Variants in AFTPH observed in about 807,000 individuals in gnomAD.
AFTPH encodes the protein aftiphilin, also known as aftiphilin protein.
Under a neutral mutation model 72.5 loss-of-function variants are expected in AFTPH, and 7 were observed. That is an observed-to-expected ratio of 0.10 (90% CI 0.05 to 0.18). The LOEUF is 0.18. Ranked by LOEUF, AFTPH falls within the 10% of genes least tolerant of loss-of-function variation. The pLI, the probability that AFTPH is intolerant of heterozygous loss-of-function variation, is 1.00. For missense variants in AFTPH, 979 were observed against 1,060.5 expected (o/e 0.92, Z 1.07); for synonymous variants, 337 against 370.1 (o/e 0.91, Z 1.03).
intron 1 of AFTPH, among the ~76,000 whole-genome samples, chr2:64,549,972 A>G (rs1444009658): frequency 6.6e-6 from 1 of 152,220 alleles, no homozygotes; most frequent in Non-Finnish European, 1.5e-5. Flanking sequence ...GAAAAAATCA[A>G]TTGATTTGAC....
chr2:64,577,988 C>T (rs1207791284), intron 6 of AFTPH, among the ~76,000 whole-genome samples: 1 of 151,914 alleles, frequency 6.6e-6, no homozygotes, highest in Non-Finnish European at 1.5e-5. Flanking sequence ...CCACCACCAC[C>T]ATTAAGAACA....
intron 6 of AFTPH, among the ~76,000 whole-genome samples, chr2:64,577,771 A>G (rs549249024): frequency 6.6e-6 from 1 of 152,336 alleles, no homozygotes; most frequent in Admixed American, 6.5e-5. Flanking sequence ...TGAAATAATT[A>G]TAGATTCATA....
At chr2:64,588,957 T>C (rs1673663428) in intron 8 of AFTPH, among the ~76,000 whole-genome samples, 1 of 152,218 alleles carries the variant, frequency 6.6e-6, no homozygotes, top group Non-Finnish European at 1.5e-5. Flanking sequence ...ATATTCTGGA[T>C]ACTAAGCCTT....
At chr2:64,575,973 A>G (rs1303361213) in intron 6 of AFTPH, among the ~76,000 whole-genome samples, 1 of 151,386 alleles carries the variant, frequency 6.6e-6, no homozygotes, top group Admixed American at 6.6e-5. Context: ...TCCTGACCTC[A>G]AGTGATCTGC....
At chr2:64,584,729 T>C (rs1428018687) in intron 7 of AFTPH, among the ~76,000 whole-genome samples, 1 of 151,834 alleles carries the variant, frequency 6.6e-6, no homozygotes, top group Non-Finnish European at 1.5e-5. Flanking sequence ...CCTGAGTAGC[T>C]GGGACTACAG....
chr2:64,559,118 G>A lies in AFTPH; in HGVS notation c.1935+5709G>A, dbSNP rs142786118. Among the ~76,000 whole-genome samples, 9 of 152,320 alleles carry A rather than the reference G, an allele frequency of 5.9e-5. No individual in the cohort carries two copies. The East Asian group carries it at 1.2e-3, about 20-fold the overall frequency. ...CTTTAAAGGAGATAGGCATTTGAAT[G>A]GCATAAGAACCAGAGTCTGGGGTCC... is the stretch of plus-strand genomic sequence containing the variant. On this transcript the variant is annotated intron_variant, in intron 2 of 8. Transcript: ENST00000238856.
At chr2:64,548,521 C>G (rs572603037) in intron 1 of AFTPH, among the ~76,000 whole-genome samples, 1 of 149,180 alleles carries the variant, frequency 6.7e-6, no homozygotes, top group East Asian at 2.0e-4. Context: ...AATCCCTTTG[C>G]AGCATTTTGT....
rs550442230 is a variant in AFTPH at position 64,580,710 on chromosome 2, G to T, written c.2455+1164G>T. 3.3e-5 allele frequency: 5 copies of T among 152,964 alleles called. No homozygotes were observed. The East Asian group carries it at 5.8e-4, about 18-fold the overall frequency. 9.5% of individuals were successfully genotyped at this position (152,964 alleles called of 1,614,324 possible). A position where few individuals can be genotyped will look rare whatever the true frequency, so the allele number is the denominator to read the frequency against. On this transcript the variant is annotated intron_variant, in intron 7 of 8. Transcript: ENST00000238856. ...ATTATGTTATTTTATTTTAAACTAA[G>T]TTAACACATTGGTGCGTGTCCTGAA...
exon 2 of AFTPH, chr2:64,551,503 C>T: frequency 6.2e-7 from 1 of 1,613,988 alleles, no homozygotes; most frequent in Non-Finnish European, 8.5e-7. Flanking sequence ...CGAATGTACT[C>T]TTCATCCCCA....
rs560104662 is a variant in AFTPH at position 64,576,264 on chromosome 2, C to T, written c.2394+3196C>T. On this transcript the variant is annotated intron_variant, in intron 6 of 8. Transcript: ENST00000238856. ...CCATGCAGGAAGTTACATCTTCCTA[C>T]GCCCCTAGCCTTTAGTGCTAGAAGC... is the stretch of plus-strand genomic sequence containing the variant. Among the ~76,000 whole-genome samples, 14 of 151,492 alleles carry T rather than the reference C, an allele frequency of 9.2e-5. No homozygotes were observed. The South Asian group carries it at 2.1e-3, about 23-fold the overall frequency.
At chr2:64,548,049 C>T (rs547891441) in intron 1 of AFTPH, among the ~76,000 whole-genome samples, 4 of 151,146 alleles carry the variant, frequency 2.6e-5, no homozygotes, top group African/African-American at 9.7e-5. Flanking sequence ...CCTCAGCCCC[C>T]CAAAGTGCTG....
chr2:64,549,237 T>G (rs1670867130), intron 1 of AFTPH, among the ~76,000 whole-genome samples: 1 of 151,610 alleles, frequency 6.6e-6, no homozygotes, highest in Admixed American at 6.6e-5. Context: ...TGGGCAGCTG[T>G]GAGTTGTAAG....
intron 1 of AFTPH, among the ~76,000 whole-genome samples, chr2:64,542,374 CAT>C (rs1222502040): frequency 2.6e-5 from 4 of 152,176 alleles, no homozygotes; most frequent in East Asian, 1.9e-4. Flanking sequence ...ATATTTCCCA[CAT>C]GTGATGAATC....
chr2:64,563,947 A>G (rs1471505659), intron 2 of AFTPH, among the ~76,000 whole-genome samples: 1 of 152,182 alleles, frequency 6.6e-6, no homozygotes, highest in Admixed American at 6.5e-5. Flanking sequence ...TGGTTTATAC[A>G]TTTTGTGTTT....
chr2:64,528,600 GT>G (rs1417932366), intron 1 of AFTPH, among the ~76,000 whole-genome samples: 2 of 152,150 alleles, frequency 1.3e-5, no homozygotes, highest in South Asian at 2.1e-4. Context: ...GGGGCTTGCT[GT>G]TTTATATAGA....
intron 2 of AFTPH, among the ~76,000 whole-genome samples, chr2:64,557,732 T>C (rs960938207): frequency 2.0e-5 from 3 of 152,220 alleles, no homozygotes; most frequent in African/African-American, 7.2e-5. Flanking sequence ...CTGTGAACAC[T>C]GGAACATACA....
At chr2:64,591,854 T>G in intron 8 of AFTPH, 34 bp from the exon 10 acceptor site, 1 of 1,611,944 alleles carries the variant, frequency 6.2e-7, no homozygotes, top group Non-Finnish European at 8.5e-7. Context: ...CAAAGTCACA[T>G]TAACACACTT....
chr2:64,576,521 G>T (rs971788546), intron 6 of AFTPH, among the ~76,000 whole-genome samples: 9 of 152,098 alleles, frequency 5.9e-5, no homozygotes, highest in South Asian at 2.1e-4. Flanking sequence ...TTGTGTGTGT[G>T]TTTTCATTTT....
At chr2:64,554,769 TG>T (rs1412955269) in intron 2 of AFTPH, among the ~76,000 whole-genome samples, 2 of 152,244 alleles carry the variant, frequency 1.3e-5, no homozygotes, top group African/African-American at 4.8e-5. Context: ...GAACTAATTA[TG>T]ATGCTAAATG....
Sources: allele counts gnomAD v4.1 joint callset (sites outside exome capture counted in the v4.1 genomes callset), GRCh38; gene constraint gnomAD v4.1.1; transcripts MANE v1.5; gene names NCBI Gene and HGNC (gene_info 2026-07-23, HGNC 2026-07-21).